Variants in ABCA3 observed in about 807,000 individuals in gnomAD.
ABCA3 encodes ATP binding cassette subfamily A member 3.
Under a neutral mutation model 172.8 loss-of-function variants are expected in ABCA3, and 88 were observed. That is an observed-to-expected ratio of 0.51 (90% confidence interval 0.43 to 0.61). The LOEUF (loss-of-function observed/expected upper bound fraction) is 0.61. ABCA3 is among the 20% of genes least tolerant of loss of function. ABCA3 has a pLI of 0.00. For missense variants in ABCA3, 2,164 were observed against 2,301.0 expected (o/e 0.94, Z 1.22); for synonymous variants, 1,066 against 983.8 (o/e 1.08, Z -1.56).
chr16:2,277,934 T>G lies in ABCA3; in HGVS notation c.4854A>C (p.Glu1618Asp). 1 of 1,611,822 alleles carries G rather than the reference T, an allele frequency of 6.2e-7. No individual in the cohort carries two copies. Among genetic ancestry groups the G allele is most frequent in the South Asian group, 1.1e-5 (1 of 91,022 alleles). The change falls in exon 31 of 33, where the codon GAA becomes GAC. Residue 1618 changes from glutamate (E) to aspartate (D), a missense_variant. This residue lies in a region of ABCA3 where 795 missense variants were observed against 881.9 expected (regional missense o/e 0.90). Coordinates refer to ENST00000301732, the MANE Select transcript of ABCA3 (RefSeq NM_001089.3). The surrounding 1 kb of genome is among the most constrained non-coding windows in gnomAD (Gnocchi z 5.3). ...ACTCCTCCAGCGCCTCCTGTTGCCC[T>G]TCACTCTGCACCTTGGCCCGCAGGG... ...GYSLRAKVQS[E>D]GQQEALEEFK...
chr16:2,311,868 G>A (rs1227997803), intron 10 of ABCA3, among the ~76,000 whole-genome samples: 1 of 151,942 alleles, frequency 6.6e-6, no homozygotes, highest in Non-Finnish European at 1.5e-5. Flanking sequence ...TGTTGTCCAG[G>A]CTGGTCTTGA....
chr16:2,279,039 C>T lies in ABCA3; in HGVS notation c.4451G>A (p.Arg1484Gln), dbSNP rs200173380. The T allele has an allele frequency of 1.2e-5, 19 of 1,613,428 alleles. No homozygotes were observed. Among genetic ancestry groups the T allele is most frequent in the East Asian group, 6.7e-5 (3 of 44,884 alleles). Residue 1484 changes from arginine (R) to glutamine (Q), a missense_variant, in exon 29 of 33, where the codon CGG (arginine) becomes CAG (glutamine). By Grantham distance (43) the Arg-to-Gln change is conservative. Coordinates refer to ENST00000301732, the MANE Select transcript of ABCA3 (RefSeq NM_001089.3). The surrounding 1 kb of genome is among the most constrained non-coding windows in gnomAD (Gnocchi z 4.4). ...CCCGATGTGGCGCTCAGGGATGCCC[C>T]GGAGCCGAGCGTACATGACCAGCAT... ...REMLVMYARL[R>Q]GIPERHIGAC...
chr16:2,326,422 G>A lies in ABCA3; in HGVS notation c.45C>T (p.Tyr15=), dbSNP rs750556939. 2.5e-6 allele frequency: 4 copies of A among 1,612,998 alleles called. No homozygotes were observed. Among genetic ancestry groups the A allele is most frequent in the African/African-American group, 2.7e-5 (2 of 75,044 alleles). ...CAGAGTCTGGACGCACCTGCAGGGT[G>A]TAGTTCTTCCAGAGGAGGAGCGCCA... The part of the protein sequence containing the change: ...RQLALLLWKN[Y]TLQKRKVLVT... The change falls in exon 4 of 33, where the codon TAC becomes TAT. Residue 15 remains tyrosine (Y), a synonymous_variant. Coordinates refer to ENST00000301732, the MANE Select transcript of ABCA3 (RefSeq NM_001089.3).
intron 3 of ABCA3, among the ~76,000 whole-genome samples, chr16:2,327,255 G>C (rs1302373622): frequency 6.6e-6 from 1 of 152,080 alleles, no homozygotes; most frequent in African/African-American, 2.4e-5. Flanking sequence ...TGGAACTACA[G>C]GTGCATGCCA....
At chr16:2,303,303 C>A (rs1402940038) in intron 12 of ABCA3, among the ~76,000 whole-genome samples, 1 of 149,500 alleles carries the variant, frequency 6.7e-6, no homozygotes, top group Non-Finnish European at 1.5e-5. Context: ...CGCTGTGTTG[C>A]CAGGCTGGAG....
rs753074078 is a variant in ABCA3, at chr16:2,299,358, A to AG, written c.1741+44dup. ...GGGGCTGGCGCTGAGATGGTGTTAA[A>AG]GGGGGGCCTGCTGGTGGCAGGGGCG... On this transcript the variant is annotated intron_variant, in intron 14 of 32. Transcript: ENST00000301732. 1.7e-5 allele frequency: 28 copies of AG among 1,610,338 alleles called. No individual in the cohort carries two copies. The Middle Eastern group carries it at 6.6e-4, about 38-fold the overall frequency.
chr16:2,324,554 C>T, intron 5 of ABCA3, 23 bp from the exon 6 acceptor site: 1 of 1,606,990 alleles, frequency 6.2e-7, no homozygotes. Context: ...AGCACGGGAG[C>T]TGTGGTTGCC....
rs2093650352 is a variant in ABCA3, at chr16:2,278,599, T to C, written c.4548-141A>G. On this transcript the variant is annotated intron_variant, in intron 29 of 32. Transcript: ENST00000301732. The surrounding 1 kb of genome is among the most constrained non-coding windows in gnomAD (Gnocchi z 4.4). ...CCCTAGTGAAGAGGAAGGAGCTGTG[T>C]GTGCACCTGGAAAGCCCACCGCATA... The C allele has an allele frequency of 1.7e-6, 2 of 1,210,972 alleles. No homozygotes were observed. The highest frequency in any genetic ancestry group is 2.3e-6 in the Non-Finnish European group (2 of 860,330). The allele number at this position is 1,210,972 out of a possible 1,614,324, so 75.0% of individuals were successfully genotyped here.
intron 10 of ABCA3, among the ~76,000 whole-genome samples, chr16:2,315,437 T>G (rs2093713698): frequency 6.6e-6 from 1 of 152,068 alleles, no homozygotes. Flanking sequence ...TGTGGAGAAT[T>G]TCACAGGCAG....
rs768068539 is a variant in ABCA3, at chr16:2,298,426, T to C, written c.1856A>G (p.Asp619Gly). The change falls in exon 15 of 33, where the codon GAC becomes GGC. Residue 619 changes from aspartate (D) to glycine (G), a missense_variant. Asp to Gly is a moderately conservative substitution (Grantham distance 94). Transcript: ENST00000301732. ...GLCPQHDILFDNLTVAEHLYF... is the reference protein window; with the variant it reads ...GLCPQHDILFGNLTVAEHLYF... ...AAGGTGCTCTGCGACTGTCAAGTTG[T>C]CAAACAGGATGTCGTGCTGCGGGCA... is the stretch of plus-strand genomic sequence containing the variant. The C allele has an allele frequency of 6.2e-7, 1 of 1,614,092 alleles. No individual in the cohort carries two copies. Among genetic ancestry groups the C allele is most frequent in the South Asian group, 1.1e-5 (1 of 91,086 alleles).
chr16:2,280,784 TG>T (rs2093653717), intron 28 of ABCA3, among the ~76,000 whole-genome samples: 1 of 152,214 alleles, frequency 6.6e-6, no homozygotes, highest in African/African-American at 2.4e-5. Flanking sequence ...CAGTGCTGAA[TG>T]CGCCTCTCTG....
intron 1 of ABCA3, among the ~76,000 whole-genome samples, chr16:2,333,689 C>A (rs953335254): frequency 2.9e-5 from 4 of 138,912 alleles, no homozygotes; most frequent in Non-Finnish European, 6.3e-5. Flanking sequence ...AAATAACATT[C>A]TTTTTTTTTT....
Position 2,283,377 on chromosome 16 carries a change from A to G in ABCA3, c.3863-19T>C. ...TGGATGTCTGTGGGGCGAGGGAGTC[A>G]CTGTGCCCCGAGGCCTGGGGCACCC... On this transcript the variant is annotated intron_variant, in intron 25 of 32. Transcript: ENST00000301732. This position sits in a 1 kb window ranked among gnomAD's most constrained non-coding sequence, Gnocchi z 5.4. 1 of 1,610,124 alleles carries G rather than the reference A, an allele frequency of 6.2e-7. No homozygotes were observed. The highest frequency in any genetic ancestry group is 1.7e-5 in the Admixed American group (1 of 59,958).
At chr16:2,306,226 G>A (rs1402950466) in intron 11 of ABCA3, among the ~76,000 whole-genome samples, 1 of 152,114 alleles carries the variant, frequency 6.6e-6, no homozygotes, top group Non-Finnish European at 1.5e-5. Context: ...TCAGGAGGCT[G>A]AGGTGGGAGG....
intron 10 of ABCA3, among the ~76,000 whole-genome samples, chr16:2,312,452 T>C (rs2093708045): frequency 6.6e-6 from 1 of 152,178 alleles, no homozygotes; most frequent in East Asian, 1.9e-4. Context: ...AAATGAAGTA[T>C]ATTTGAGAGT....
intron 12 of ABCA3, among the ~76,000 whole-genome samples, chr16:2,303,150 A>G (rs12597115): frequency 0.11 from 16,872 of 151,912 alleles, 1,745 homozygotes; most frequent in East Asian, 0.46. Flanking sequence ...TCTGTGCTCT[A>G]TGACAGTAAG....
At chr16:2,328,824 G>A (rs1015667651) in intron 2 of ABCA3, 67 bp from the exon 3 acceptor site, 1 of 201,200 alleles carries the variant, frequency 5.0e-6, no homozygotes, top group Admixed American at 5.2e-5. Context: ...CAAACAATTA[G>A]CGAGTCATTC....
Position 2,279,289 on chromosome 16 carries a change from G to T in ABCA3, c.4360-159C>A, listed in dbSNP as rs2093651599. Among the ~76,000 whole-genome samples, 1 of 152,246 alleles carries T rather than the reference G, an allele frequency of 6.6e-6. No homozygotes were observed. Among genetic ancestry groups the T allele is most frequent in the Admixed American group, 6.5e-5 (1 of 15,284 alleles). ...GGCGCTGGAGCTATGCACAGGCCGT[G>T]GTGGCTGCCCACAGTGGAAGCTCTT... On this transcript the variant is annotated intron_variant, in intron 28 of 32. Transcript: ENST00000301732. This position sits in a 1 kb window ranked among gnomAD's most constrained non-coding sequence, Gnocchi z 4.4.
In ABCA3 at chr16:2,298,252, G is replaced by C. The variant is rs1297076906; in HGVS notation, c.1896+134C>G. The C allele has an allele frequency of 2.9e-5, 41 of 1,425,578 alleles. No individual in the cohort carries two copies. The Middle Eastern group carries it at 5.5e-4, about 19-fold the overall frequency. 88.3% of individuals were successfully genotyped at this position (1,425,578 alleles called of 1,614,324 possible). A position where few individuals can be genotyped will look rare whatever the true frequency, so the allele number is the denominator to read the frequency against. On this transcript the variant is annotated intron_variant, in intron 15 of 32. Coordinates refer to ENST00000301732, the MANE Select transcript of ABCA3 (RefSeq NM_001089.3). ...GTTCTGGTGAGAGGAACCTCTCCTT[G>C]ACGTAGCTGGACTCAGAACCCTGGC...
Sources: allele counts gnomAD v4.1 joint callset (sites outside exome capture counted in the v4.1 genomes callset), GRCh38; gene constraint gnomAD v4.1.1; regional missense constraint gnomAD v4.1.1; non-coding constraint Gnocchi (gnomAD v3.1); transcripts MANE v1.5; gene names NCBI Gene and HGNC (gene_info 2026-07-23, HGNC 2026-07-21).